Variants in CLCA4 observed in about 807,000 individuals in gnomAD.
CLCA4 encodes the protein chloride channel accessory 4.
A neutral mutation model predicts 78.9 loss-of-function variants in CLCA4; 69 were observed. The ratio of observed to expected loss-of-function variants is 0.87; its 90% CI spans 0.72 to 1.07. The LOEUF (loss-of-function observed/expected upper bound fraction) is 1.07, where lower values mean the gene tolerates loss of function less well. Among genes scored for constraint, CLCA4 ranks in the 50% least tolerant of loss-of-function variants. CLCA4 has a pLI of 0.00. For missense variants in CLCA4, 1,133 were observed against 1,095.8 expected (o/e 1.03, Z -0.48); for synonymous variants, 362 against 375.8 (o/e 0.96, Z 0.42).
At chr1:86,548,459 G>A (rs1468078161) in intron 1 of CLCA4, among the ~76,000 whole-genome samples, 1 of 151,988 alleles carries the variant, frequency 6.6e-6, no homozygotes, top group African/African-American at 2.4e-5. Flanking sequence ...GAGGAGGGCA[G>A]ATCATGAGGT....
chr1:86,559,788 G>C, intron 1 of CLCA4, 144 bp from the exon 2 acceptor site: 1 of 664,152 alleles, frequency 1.5e-6, no homozygotes, highest in Non-Finnish European at 2.6e-6. Flanking sequence ...AGGTGGCAGA[G>C]TTAGAATAAT....
At chr1:86,576,889 G>A (rs1650538319) in intron 11 of CLCA4, among the ~76,000 whole-genome samples, 1 of 152,030 alleles carries the variant, frequency 6.6e-6, no homozygotes, top group Non-Finnish European at 1.5e-5. Flanking sequence ...ATTCTGGATT[G>A]TTCTAGGAAC....
At chr1:86,566,803 G>A (rs190659434) in intron 6 of CLCA4, among the ~76,000 whole-genome samples, 62 of 152,072 alleles carry the variant, frequency 4.1e-4, no homozygotes, top group African/African-American at 1.4e-3. Flanking sequence ...TTACACCTTA[G>A]ACAATCCCCT....
In CLCA4 at chr1:86,571,117, T is replaced by C. The variant is rs1387616951; in HGVS notation, c.1223T>C (p.Val408Ala). ...ELHSQLDGSE[V>A]LLLTDGEDNT... ...CATTCCCAACTCGATGGATCCGAAGTACTGCTGCTGACTGATGGGGAGGAT... is the reference window on the plus strand; with the variant it reads ...CATTCCCAACTCGATGGATCCGAAGCACTGCTGCTGACTGATGGGGAGGAT... The change falls in exon 8 of 14, where the codon GTA becomes GCA. Residue 408 changes from valine to alanine, a missense_variant. Val to Ala is a moderately conservative substitution (Grantham distance 64, BLOSUM62 0). Coordinates refer to ENST00000370563, the MANE Select transcript of CLCA4 (RefSeq NM_012128.4). The C allele has an allele frequency of 1.9e-6, 3 of 1,612,476 alleles. No homozygotes were observed. Among genetic ancestry groups the C allele is most frequent in the African/African-American group, 1.3e-5 (1 of 74,846 alleles).
Position 86,547,293 on chromosome 1 carries a change from G to T in CLCA4, c.159+15G>T. On this transcript the variant is annotated intron_variant, in intron 1 of 13. Transcript: ENST00000370563. Reference sequence around the variant, plus strand: ...AACAAATAGAGGTAAGAACAAAATGGAATATCTTTCATTAATTTTTAGTTT... The same window carrying T: ...AACAAATAGAGGTAAGAACAAAATGTAATATCTTTCATTAATTTTTAGTTT... 6.5e-7 allele frequency: 1 copy of T among 1,535,898 alleles called. No individual in the cohort carries two copies. The highest frequency in any genetic ancestry group is 1.4e-5 in the African/African-American group (1 of 71,088).
intron 1 of CLCA4, chr1:86,552,478 A>C: frequency 2.2e-6 from 1 of 458,990 alleles, no homozygotes; most frequent in Non-Finnish European, 3.9e-6. Flanking sequence ...GACCCTGCTG[A>C]TGATGGTCTG....
chr1:86,566,881 G>A (rs541108905), intron 6 of CLCA4, among the ~76,000 whole-genome samples: 5 of 152,138 alleles, frequency 3.3e-5, no homozygotes, highest in South Asian at 2.1e-4. Context: ...TGGAAAGGGG[G>A]CAGTGAGAGG....
rs769042658 is a variant in CLCA4 at position 86,575,489 on chromosome 1, A to C, written c.1841A>C (p.Tyr614Ser). 11 of 1,613,554 alleles carry C rather than the reference A, an allele frequency of 6.8e-6. No individual in the cohort carries two copies. The highest frequency in any genetic ancestry group is 9.3e-6 in the Non-Finnish European group (11 of 1,179,620). The change falls in exon 11 of 14, where the codon TAC (tyrosine) becomes TCC (serine). Residue 614 changes from tyrosine (Y) to serine (S), a missense_variant. By Grantham distance (144) the Tyr-to-Ser change is moderately radical. Coordinates refer to ENST00000370563, the MANE Select transcript of CLCA4 (RefSeq NM_012128.4). Reference protein sequence around the residue: ...VNSFPSPMIVYAEILQGYVPV... With the variant: ...VNSFPSPMIVSAEILQGYVPV... The stretch of plus-strand genomic sequence containing the variant: ...AGTTTCCCCAGCCCAATGATTGTTT[A>C]CGCAGAAATTCTACAAGGATATGTA...
Position 86,566,026 on chromosome 1 carries a change from A to T in CLCA4, c.954+6A>T, listed in dbSNP as rs2101805190. 6.2e-7 allele frequency: 1 copy of T among 1,609,012 alleles called. No homozygotes were observed. The highest frequency in any genetic ancestry group is 8.5e-7 in the Non-Finnish European group (1 of 1,176,274). On this transcript the variant is annotated splice_donor_region_variant and intron_variant, in intron 6 of 13. Coordinates refer to ENST00000370563, the MANE Select transcript of CLCA4 (RefSeq NM_012128.4). ...ATAAGTCTGGAAGCATGGGGGTAAGATCACTTTTTCTGGATATAGGGATGT... is the reference window on the plus strand; with the variant it reads ...ATAAGTCTGGAAGCATGGGGGTAAGTTCACTTTTTCTGGATATAGGGATGT...
At chr1:86,549,228 G>C (rs764991897) in intron 1 of CLCA4, among the ~76,000 whole-genome samples, 1 of 152,134 alleles carries the variant, frequency 6.6e-6, no homozygotes, top group Non-Finnish European at 1.5e-5. Flanking sequence ...TGATGTGTCA[G>C]CACAGACCTG....
At chr1:86,568,064 C>A (rs1250916947) in intron 7 of CLCA4, among the ~76,000 whole-genome samples, 2 of 151,912 alleles carry the variant, frequency 1.3e-5, no homozygotes, top group East Asian at 3.9e-4. Flanking sequence ...TCAGCTAGGG[C>A]AAACTATTTA....
chr1:86,556,350 G>T (rs1043995275), intron 1 of CLCA4, among the ~76,000 whole-genome samples: 2 of 152,086 alleles, frequency 1.3e-5, no homozygotes, highest in African/African-American at 4.8e-5. Context: ...TGTCATAGAT[G>T]GCTCTCATTA....
At chr1:86,574,911 G>A (rs576659370) in intron 10 of CLCA4, among the ~76,000 whole-genome samples, 156 bp downstream of exon 10, 2 of 152,012 alleles carry the variant, frequency 1.3e-5, no homozygotes, top group African/African-American at 4.8e-5. Flanking sequence ...AAACTATGAT[G>A]GTAGGAAAAA....
intron 1 of CLCA4, among the ~76,000 whole-genome samples, chr1:86,555,505 G>A (rs1316323839): frequency 6.6e-6 from 1 of 152,130 alleles, no homozygotes. Flanking sequence ...AGATTAGATG[G>A]TGGTGGATGT....
chr1:86,547,145 T>C lies in CLCA4; in HGVS notation c.26T>C (p.Phe9Ser). 1.2e-6 allele frequency: 2 copies of C among 1,606,440 alleles called. No homozygotes were observed. Among genetic ancestry groups the C allele is most frequent in the Non-Finnish European group, 1.7e-6 (2 of 1,178,116 alleles). Residue 9 changes from phenylalanine (F) to serine (S), a missense_variant, in exon 1 of 14, where the codon TTC (phenylalanine) becomes TCC (serine). Phe to Ser is a radical substitution (Grantham distance 155). Transcript: ENST00000370563. ...ATGGGGTTATTCAGAGGTTTTGTTT[T>C]CCTCTTAGTTCTGTGCCTGCTGCAC... MGLFRGFV[F>S]LLVLCLLHQS...
intron 1 of CLCA4, among the ~76,000 whole-genome samples, chr1:86,558,709 C>T (rs532765281): frequency 3.3e-5 from 5 of 152,246 alleles, no homozygotes; most frequent in East Asian, 1.9e-4. Context: ...CCTTATGAAA[C>T]CATCAGATCA....
At chr1:86,575,136 C>A (rs114473518) in intron 10 of CLCA4, among the ~76,000 whole-genome samples, 196 bp from the exon 11 acceptor site, 1 of 151,982 alleles carries the variant, frequency 6.6e-6, no homozygotes, top group Non-Finnish European at 1.5e-5. Flanking sequence ...TGAGATGTAG[C>A]GAAGTGTACA....
intron 3 of CLCA4, 87 bp downstream of exon 3, chr1:86,560,445 A>G (rs1649984361): frequency 3.0e-6 from 4 of 1,353,094 alleles, no homozygotes; most frequent in Non-Finnish European, 4.0e-6. Flanking sequence ...ATGGGGCCAA[A>G]GTCCCTAGAA....
In CLCA4 at chr1:86,553,241, C is replaced by G. The variant is rs1017738212; in HGVS notation, c.159+5963C>G. 104 of 997,162 alleles carry G rather than the reference C, an allele frequency of 1.0e-4. 1 individual carries two copies. Among genetic ancestry groups the G allele is most frequent in the Non-Finnish European group, 1.4e-4 (90 of 631,344 alleles). The allele number at this position is 997,162 out of a possible 1,614,324, so 61.8% of individuals were successfully genotyped here. A position where few individuals can be genotyped will look rare whatever the true frequency, so the allele number is the denominator to read the frequency against. On this transcript the variant is annotated intron_variant, in intron 1 of 13. Transcript: ENST00000370563. ...CCAGGGACATGTCCAAGAGGGACTG[C>G]CGCTGCAAGCTGTACGAGGACACGG...
Sources: gnomAD v4.1 joint callset for allele counts (sites outside exome capture counted in the v4.1 genomes callset) on GRCh38, gnomAD v4.1.1 for gene constraint, MANE v1.5 for transcripts, NCBI Gene and HGNC (gene_info 2026-07-23, HGNC 2026-07-21) for gene names.